The following ADGB variants were observed in gnomAD, a reference collection of about 807,000 sequenced individuals.
The protein encoded by ADGB is calpain-7-like protein.
A neutral mutation model predicts 210.5 loss-of-function variants in ADGB; 172 were observed. That is an observed-to-expected ratio of 0.82 (90% CI 0.72 to 0.93). The LOEUF is 0.93. ADGB is among the 40% of genes least tolerant of loss of function. ADGB has a pLI of 0.00. For synonymous variants in ADGB, 658 were observed against 662.7 expected (o/e 0.99, Z 0.11); for missense variants, 2,025 against 1,964.8 (o/e 1.03, Z -0.58).
intron 5 of ADGB, among the ~76,000 whole-genome samples, chr6:146,663,682 T>G (rs1482286185): frequency 6.6e-6 from 1 of 152,050 alleles, no homozygotes; most frequent in Non-Finnish European, 1.5e-5. Context: ...GTATTTATCC[T>G]TTTGCATCTG....
Position 146,698,740 on chromosome 6 carries a change from T to G in ADGB, c.1578-2201T>G, listed in dbSNP as rs1776445333. ...TAAATCTAGTTTTTTTCTCAAACTT[T>G]TGGGGTTTTGTTTTGTTTTGTTTTT... is the stretch of plus-strand genomic sequence containing the variant. On this transcript the variant is annotated intron_variant, in intron 12 of 35. Coordinates refer to ENST00000397944, the MANE Select transcript of ADGB (RefSeq NM_024694.4). Among the ~76,000 whole-genome samples the G allele has an allele frequency of 3.3e-5, 5 of 152,062 alleles. 1 individual carries two copies. The South Asian group carries it at 1.0e-3, about 32-fold the overall frequency.
At chr6:146,674,408 G>T (rs1012956742) in intron 8 of ADGB, among the ~76,000 whole-genome samples, 5 of 152,070 alleles carry the variant, frequency 3.3e-5, no homozygotes, top group Non-Finnish European at 5.9e-5. Flanking sequence ...GACTGCAGTA[G>T]TATATGTTTT....
chr6:146,606,050 A>G (rs989556741), intron 1 of ADGB, among the ~76,000 whole-genome samples: 2 of 152,200 alleles, frequency 1.3e-5, no homozygotes, highest in South Asian at 2.1e-4. Flanking sequence ...CCACCAATGT[A>G]TAAGCATCCT....
At chr6:146,803,698 T>G (rs1778166000) in intron 35 of ADGB, 6 of 1,158,202 alleles carry the variant, frequency 5.2e-6, no homozygotes, top group Non-Finnish European at 7.7e-6. Flanking sequence ...CATTGTGAGT[T>G]TCCGATGCCA....
At chr6:146,720,128 GA>G (rs1463786270) in intron 16 of ADGB, among the ~76,000 whole-genome samples, 1 of 151,734 alleles carries the variant, frequency 6.6e-6, no homozygotes, top group East Asian at 1.9e-4. Flanking sequence ...TAAGTTAATT[GA>G]ACACATTTAC....
At chr6:146,625,036 A>T (rs1276874032) in intron 1 of ADGB, among the ~76,000 whole-genome samples, 1 of 152,036 alleles carries the variant, frequency 6.6e-6, no homozygotes, top group Admixed American at 6.6e-5. Flanking sequence ...AAGAATGTGT[A>T]TTCTGTTGTG....
At chr6:146,709,420 A>C (rs1776625182) in intron 13 of ADGB, among the ~76,000 whole-genome samples, 2 of 152,210 alleles carry the variant, frequency 1.3e-5, no homozygotes, top group Non-Finnish European at 2.9e-5. Flanking sequence ...GGTTGCCCAC[A>C]GGCAGGTTTG....
At chr6:146,701,411 C>T (rs1776488292) in intron 13 of ADGB, among the ~76,000 whole-genome samples, 1 of 152,034 alleles carries the variant, frequency 6.6e-6, no homozygotes, top group South Asian at 2.1e-4. Flanking sequence ...ATTTCACTAA[C>T]CAATGGTATT....
chr6:146,634,926 A>G (rs1775389553), intron 1 of ADGB, among the ~76,000 whole-genome samples: 1 of 152,046 alleles, frequency 6.6e-6, no homozygotes. Context: ...TATTTAGAGC[A>G]TGAGAAATAT....
At chr6:146,653,822 A>G (rs988651902) in intron 3 of ADGB, among the ~76,000 whole-genome samples, 1 of 152,186 alleles carries the variant, frequency 6.6e-6, no homozygotes, top group Non-Finnish European at 1.5e-5. Flanking sequence ...TTGGCATTAA[A>G]TTACATTTTT....
chr6:146,780,533 G>T (rs1288835989), intron 29 of ADGB, among the ~76,000 whole-genome samples: 1 of 151,932 alleles, frequency 6.6e-6, no homozygotes, highest in Non-Finnish European at 1.5e-5. Flanking sequence ...AACCAAAAGA[G>T]ACCTGGAGTG....
chr6:146,681,650 A>G (rs1316037655), intron 9 of ADGB, among the ~76,000 whole-genome samples: 1 of 152,100 alleles, frequency 6.6e-6, no homozygotes, highest in African/African-American at 2.4e-5. Context: ...GGACATGTGG[A>G]ACTGATGAAA....
chr6:146,700,799 A>G, intron 12 of ADGB, 142 bp from the exon 13 acceptor site: 1 of 943,362 alleles, frequency 1.1e-6, no homozygotes, highest in Non-Finnish European at 1.6e-6. Context: ...GAGGTAAAAA[A>G]CATTACTGGT....
chr6:146,716,599 C>CAAAA (rs10606792), intron 14 of ADGB, among the ~76,000 whole-genome samples: 8 of 66,808 alleles, frequency 1.2e-4, no homozygotes, highest in East Asian at 4.8e-4. Context: ...GACTCCGTCT[C>CAAAA]AAAAAAAAAA....
intron 18 of ADGB, 93 bp downstream of exon 18, chr6:146,724,420 A>G: frequency 6.9e-6 from 9 of 1,302,664 alleles, no homozygotes; most frequent in Non-Finnish European, 9.1e-6. Context: ...GGACTCTAAG[A>G]CATTGTTTCT....
At chr6:146,769,413 A>T (rs1186920730) in intron 29 of ADGB, among the ~76,000 whole-genome samples, 2 of 152,136 alleles carry the variant, frequency 1.3e-5, no homozygotes, top group African/African-American at 4.8e-5. Flanking sequence ...TATACTTTTG[A>T]ACATTTCAAA....
rs1483030298 is a variant in ADGB, at chr6:146,691,193, G to A, written c.1389G>A (p.Arg463=). Residue 463 remains arginine, a synonymous_variant, in exon 11 of 36, where the codon AGG becomes AGA. Coordinates refer to ENST00000397944, the MANE Select transcript of ADGB (RefSeq NM_024694.4). ...CSHPVLVTRS[R]SCPLVAPPKP... ...ATCCTGTGCTGGTGACTAGAAGTAG[G>A]TCTTGTCCTCTGGTAGCACCACCAA... is the stretch of plus-strand genomic sequence containing the variant. The A allele has an allele frequency of 1.3e-6, 2 of 1,549,424 alleles. No individual in the cohort carries two copies. Among genetic ancestry groups the A allele is most frequent in the South Asian group, 2.4e-5 (2 of 83,950 alleles).
chr6:146,809,055 A>T (rs1316218741), intron 35 of ADGB, among the ~76,000 whole-genome samples: 1 of 17,648 alleles, frequency 5.7e-5, no homozygotes, highest in Non-Finnish European at 9.2e-5. Context: ...GCAGGCGCAT[A>T]TCTACAGCTG....
chr6:146,650,459 T>G (rs1258520204), intron 3 of ADGB, among the ~76,000 whole-genome samples: 1 of 151,616 alleles, frequency 6.6e-6, no homozygotes, highest in Non-Finnish European at 1.5e-5. Context: ...AATTTGCCCA[T>G]CAGTTTGTTT....
Sources: gnomAD v4.1 joint callset for allele counts (sites outside exome capture counted in the v4.1 genomes callset) on GRCh38, gnomAD v4.1.1 for gene constraint, MANE v1.5 for transcripts, NCBI Gene and HGNC (gene_info 2026-07-23, HGNC 2026-07-21) for gene names.